TOX3: variants seen among roughly 807,000 people sequenced by gnomAD.
The protein encoded by TOX3 is TOX high mobility group box family member 3.
A neutral mutation model predicts 64.3 loss-of-function variants in TOX3; 22 were observed. That is an observed-to-expected ratio of 0.34 (90% CI 0.24 to 0.49). TOX3 has a LOEUF of 0.49. TOX3 is among the 20% of genes least tolerant of loss of function. The probability of loss-of-function intolerance (pLI) is 0.99; values close to 1 mark genes in which losing one functional copy is unlikely to be tolerated. For missense variants in TOX3, 661 were observed against 714.4 expected, an observed-to-expected ratio of 0.93 and a Z score of 0.85; for synonymous variants, 291 against 273.6, an observed-to-expected ratio of 1.06 and a Z score of -0.63.
intron 1 of TOX3, among the ~76,000 whole-genome samples, chr16:52,529,227 G>A (rs934444236): frequency 1.3e-5 from 2 of 152,012 alleles, no homozygotes; most frequent in Admixed American, 6.5e-5. Context: ...ATTCTAGGGG[G>A]AAATATCCCA....
At chr16:52,447,906 G>A (rs1176038186) in intron 4 of TOX3, among the ~76,000 whole-genome samples, 2 of 152,114 alleles carry the variant, frequency 1.3e-5, no homozygotes, top group South Asian at 4.1e-4. Context: ...GGCACTGTTA[G>A]TGCCACAATA....
At chr16:52,519,485 C>T (rs2151477757) in intron 1 of TOX3, 4 of 1,551,348 alleles carry the variant, frequency 2.6e-6, no homozygotes, top group Non-Finnish European at 3.5e-6. Context: ...CTTCATCCTC[C>T]ACTACATCTT....
rs1453165329 is a variant in TOX3 at position 52,436,556 on chromosome 16, C to A, written c.*2669G>T. ...GGATATATAACATGCTTTGTGAATC[C>A]TGAAAACAATAATTTGGTAACAAGG... On this transcript the variant is annotated 3_prime_UTR_variant, in exon 7 of 7. Transcript: ENST00000219746. Among the ~76,000 whole-genome samples, 2 of 152,100 alleles carry A rather than the reference C, an allele frequency of 1.3e-5. No homozygotes were observed. The highest frequency in any genetic ancestry group is 2.9e-5 in the Non-Finnish European group (2 of 68,022).
At chr16:52,507,517 T>C (rs1330402233) in intron 1 of TOX3, among the ~76,000 whole-genome samples, 1 of 152,264 alleles carries the variant, frequency 6.6e-6, no homozygotes, top group Non-Finnish European at 1.5e-5. Flanking sequence ...GGAGTGCTTC[T>C]GTGATTACGT....
chr16:52,492,255 C>A (rs1360141177), intron 1 of TOX3, among the ~76,000 whole-genome samples: 1 of 144,890 alleles, frequency 6.9e-6, no homozygotes, highest in Non-Finnish European at 1.5e-5. Flanking sequence ...ATATATTATA[C>A]AATATAAATA....
At chr16:52,517,178 T>C (rs1471467704) in intron 1 of TOX3, among the ~76,000 whole-genome samples, 1 of 152,158 alleles carries the variant, frequency 6.6e-6, no homozygotes, top group African/African-American at 2.4e-5. Flanking sequence ...TTACCAACAT[T>C]CAATCGAATT....
intron 2 of TOX3, among the ~76,000 whole-genome samples, chr16:52,468,298 G>T (rs1160880322): frequency 6.6e-6 from 1 of 152,056 alleles, no homozygotes; most frequent in African/African-American, 2.4e-5. Flanking sequence ...TTCGTATGAA[G>T]TTACTAACAT....
intron 1 of TOX3, among the ~76,000 whole-genome samples, chr16:52,493,451 TA>T (rs1961754494): frequency 6.6e-6 from 1 of 152,128 alleles, no homozygotes; most frequent in Admixed American, 6.5e-5. Context: ...GGTTAAAAAA[TA>T]AATGTATATA....
At chr16:52,458,901 T>A (rs530131688) in intron 3 of TOX3, among the ~76,000 whole-genome samples, 1 of 152,268 alleles carries the variant, frequency 6.6e-6, no homozygotes, top group Non-Finnish European at 1.5e-5. Flanking sequence ...TTTTTGACAA[T>A]AAGCTTCTTT....
At position 52,463,952 on chromosome 16, in the gene TOX3, A is replaced by G. The variant is rs538021558; in HGVS notation, c.390T>C (p.His130=). The G allele has an allele frequency of 6.4e-7, 1 of 1,569,080 alleles. No individual in the cohort carries two copies. The highest frequency in any genetic ancestry group is 1.4e-5 in the African/African-American group (1 of 73,992). The change falls in exon 3 of 7, where the codon CAT becomes CAC. Residue 130 remains histidine, a synonymous_variant. Coordinates refer to ENST00000219746, the MANE Select transcript of TOX3 (RefSeq NM_001080430.4). ...RNLVEQDGVL[H]SSGLHMDQSH... is the part of the protein sequence containing the mutation. ...TGCCTACCATATGCAACCCACTGCTATGAAGCACGCCATCTTGTTCCACGA... is the reference window on the plus strand; with the variant it reads ...TGCCTACCATATGCAACCCACTGCTGTGAAGCACGCCATCTTGTTCCACGA...
intron 1 of TOX3, among the ~76,000 whole-genome samples, chr16:52,507,082 C>G (rs574960667): frequency 6.6e-6 from 1 of 152,184 alleles, no homozygotes. Flanking sequence ...CACTTCTCAA[C>G]TGGGGTACAT....
chr16:52,523,604 T>C (rs1962661017), intron 1 of TOX3, among the ~76,000 whole-genome samples: 1 of 152,194 alleles, frequency 6.6e-6, no homozygotes, highest in Non-Finnish European at 1.5e-5. Flanking sequence ...GAATAAAGAC[T>C]GACAGGGAAC....
chr16:52,439,466 A>AGATGCTGCT lies in TOX3; in HGVS notation c.1481_1489dup (p.Gln494_His496dup), dbSNP rs1163350341. 4 of 1,461,332 alleles carry AGATGCTGCT rather than the reference A, an allele frequency of 2.7e-6. No individual in the cohort carries two copies. The highest frequency in any genetic ancestry group is 3.8e-6 in the Non-Finnish European group (4 of 1,065,106). The allele number at this position is 1,461,332 out of a possible 1,614,324, so 90.5% of individuals were successfully genotyped here. A position where few individuals can be genotyped will look rare whatever the true frequency, so the allele number is the denominator to read the frequency against. ...CTGCTGTTGATTAATTTGCTGCTGG[A>AGATGCTGCT]GATGCTGCTGCTGCTGCTGCAGGTG... is the stretch of plus-strand genomic sequence containing the variant. On this transcript the variant is annotated inframe_insertion, in exon 7 of 7. Coordinates refer to ENST00000219746, the MANE Select transcript of TOX3 (RefSeq NM_001080430.4).
At chr16:52,505,204 G>C (rs1962128380) in intron 1 of TOX3, among the ~76,000 whole-genome samples, 1 of 152,138 alleles carries the variant, frequency 6.6e-6, no homozygotes, top group Non-Finnish European at 1.5e-5. Flanking sequence ...GAAGGAAAAG[G>C]CCTGGCTAGG....
rs377740300 is a variant in TOX3, at chr16:52,439,912, C to A, written c.1044G>T (p.Ala348=). 1.2e-6 allele frequency: 2 copies of A among 1,607,408 alleles called. No individual in the cohort carries two copies. The highest frequency in any genetic ancestry group is 2.2e-5 in the East Asian group (1 of 44,860). Residue 348 remains alanine, a synonymous_variant, in exon 7 of 7, where the codon GCG becomes GCT. Coordinates refer to ENST00000219746, the MANE Select transcript of TOX3 (RefSeq NM_001080430.4). ...QTIRSVQQTL[A]STNLTSSLLL... ...GGAGAGAGGATGTTAGATTGGTCGA[C>A]GCCAGGGTCTGCTGAACAGAACGGA...
At chr16:52,477,238 A>G (rs1961233097) in intron 1 of TOX3, among the ~76,000 whole-genome samples, 1 of 152,192 alleles carries the variant, frequency 6.6e-6, no homozygotes, top group Admixed American at 6.5e-5. Context: ...ATTTGGCTAC[A>G]GAAGAAAAGG....
chr16:52,500,456 T>C (rs1567337492), intron 1 of TOX3, among the ~76,000 whole-genome samples: 2 of 152,158 alleles, frequency 1.3e-5, no homozygotes, highest in African/African-American at 2.4e-5. Context: ...TTTCACAGGG[T>C]TTTTGGAGAA....
At chr16:52,469,701 C>T (rs1164512423) in intron 1 of TOX3, among the ~76,000 whole-genome samples, 1 of 152,032 alleles carries the variant, frequency 6.6e-6, no homozygotes, top group African/African-American at 2.4e-5. Context: ...GATAAATACA[C>T]AGATAAATAT....
At chr16:52,514,439 A>G (rs932763954) in intron 1 of TOX3, among the ~76,000 whole-genome samples, 5 of 152,218 alleles carry the variant, frequency 3.3e-5, no homozygotes, top group African/African-American at 1.2e-4. Context: ...CTGATGCCTA[A>G]CCACTAAACC....
Sources: allele counts gnomAD v4.1 joint callset (sites outside exome capture counted in the v4.1 genomes callset), GRCh38; gene constraint gnomAD v4.1.1; transcripts MANE v1.5; gene names NCBI Gene and HGNC (gene_info 2026-07-23, HGNC 2026-07-21).